Variants in ARHGAP4 observed in about 807,000 individuals in gnomAD.
The protein encoded by ARHGAP4 is rho GTPase-activating protein 4.
ARHGAP4 carries 25 observed loss-of-function variants against 67.6 expected under a neutral mutation model. The observed-to-expected ratio is 0.37, with a 90% CI of 0.27 to 0.52. The LOEUF (loss-of-function observed/expected upper bound fraction) is 0.52, where lower values mean the gene tolerates loss of function less well. Ranked by LOEUF, ARHGAP4 falls within the 20% of genes least tolerant of loss-of-function variation. The pLI is 0.92. For synonymous variants in ARHGAP4, 448 were observed against 373.7 expected (o/e 1.20, Z -2.29); for missense variants, 804 against 854.6 (o/e 0.94, Z 0.74).
rs1232941355 is a variant in ARHGAP4 at position 153,910,983 on chromosome X, G to A, written c.1620C>T (p.Gly540=). 8.7e-7 allele frequency: 1 copy of A among 1,149,542 alleles called. No homozygotes were observed. Among genetic ancestry groups the A allele is most frequent in the Admixed American group, 2.6e-5 (1 of 38,137 alleles). 94.7% of individuals were successfully genotyped at this position (1,149,542 alleles called of 1,213,427 possible). A position where few individuals can be genotyped will look rare whatever the true frequency, so the allele number is the denominator to read the frequency against. ...FINLNGLQHE[G]IFRVSGAQLR... is the part of the protein sequence containing the mutation. ...GCTGGGCACCCGATACCCGGAAGATGCCTTCATGCTGCAGGCCTGTGGGAG... is the reference window on the plus strand; with the variant it reads ...GCTGGGCACCCGATACCCGGAAGATACCTTCATGCTGCAGGCCTGTGGGAG... Residue 540 remains glycine, a synonymous_variant, in exon 14 of 22, where the codon GGC becomes GGT. Coordinates refer to ENST00000350060, the MANE Select transcript of ARHGAP4 (RefSeq NM_001666.5).
At chrX:153,912,859 A>G (rs879960208) in intron 11 of ARHGAP4, 57 bp from the exon 12 acceptor site, 1 of 1,082,589 alleles carries the variant, frequency 9.2e-7, no homozygotes, top group African/African-American at 1.9e-5. Context: ...AGGGTGCCCC[A>G]CCCCCCAGGC....
chrX:153,910,090 G>A lies in ARHGAP4; in HGVS notation c.2157-5C>T, dbSNP rs1557102574. The A allele has an allele frequency of 1.7e-6, 2 of 1,210,026 alleles. No homozygotes were observed. The highest frequency in any genetic ancestry group is 3.5e-5 in the African/African-American group (2 of 57,431). ...AGGCTCTCCAGCTGGGCGTCCCTGAGGTTCAGGGCAGAGCGAGGCAGATGA... is the reference window on the plus strand; with the variant it reads ...AGGCTCTCCAGCTGGGCGTCCCTGAAGTTCAGGGCAGAGCGAGGCAGATGA... On this transcript the variant is annotated splice_polypyrimidine_tract_variant and splice_region_variant and intron_variant, in intron 17 of 21. Transcript: ENST00000350060.
At chrX:153,915,661 A>C in intron 7 of ARHGAP4, among the ~76,000 whole-genome samples, 1 of 111,879 alleles carries the variant, frequency 8.9e-6, no homozygotes, top group Middle Eastern at 4.6e-3. Flanking sequence ...GCATGCACCT[A>C]TAGTCCCAGC....
Position 153,921,587 on chromosome X carries a change from T to C in ARHGAP4, c.272+18A>G, listed in dbSNP as rs2065095208. On this transcript the variant is annotated intron_variant, in intron 2 of 21. Transcript: ENST00000350060. ...AGCTTGGGCCCTGCCGTGGCCCCCC[T>C]GCCAGCACATCACCTACCGGAAGCT... 8.3e-7 allele frequency: 1 copy of C among 1,205,730 alleles called. No homozygotes were observed. Among genetic ancestry groups the C allele is most frequent in the Non-Finnish European group, 1.1e-6 (1 of 892,602 alleles).
chrX:153,912,825 C>G (rs1557103572), intron 11 of ARHGAP4, 23 bp from the exon 12 acceptor site: 2 of 1,175,744 alleles, frequency 1.7e-6, no homozygotes, highest in Admixed American at 4.4e-5. Flanking sequence ...GGAGCTGGCT[C>G]TGAGGGGGCC....
At chrX:153,917,084 C>T (rs1382679864) in intron 7 of ARHGAP4, among the ~76,000 whole-genome samples, 3 of 111,440 alleles carry the variant, frequency 2.7e-5, no homozygotes, top group African/African-American at 6.5e-5. Flanking sequence ...GGCGTGGTGG[C>T]GGGCACCTGT....
At position 153,912,793 on chromosome X, in the gene ARHGAP4, G is replaced by A; in HGVS notation, c.1449C>T (p.Tyr483=). The A allele has an allele frequency of 8.3e-7, 1 of 1,209,284 alleles. No individual in the cohort carries two copies. Among genetic ancestry groups the A allele is most frequent in the South Asian group, 1.8e-5 (1 of 56,758 alleles). The part of the protein sequence containing the change: ...KEEQEVSWTQ[Y]TQRKFQKSRQ... The stretch of plus-strand genomic sequence containing the variant: ...GGCTCTTCTGGAATTTTCTCTGTGT[G>A]TACTGGGTCCTGCAGTGAATGGGAG... The change falls in exon 12 of 22, where the codon TAC becomes TAT. Residue 483 remains tyrosine (Y), a synonymous_variant. Coordinates refer to ENST00000350060, the MANE Select transcript of ARHGAP4 (RefSeq NM_001666.5).
chrX:153,917,171 G>A (rs1433215315), intron 7 of ARHGAP4, among the ~76,000 whole-genome samples: 1 of 111,396 alleles, frequency 9.0e-6, no homozygotes, highest in Non-Finnish European at 1.9e-5. Flanking sequence ...AGCCGACATT[G>A]CGCCACTGCA....
At chrX:153,919,312 G>T (rs782031513) in intron 5 of ARHGAP4, 29 bp from the exon 6 acceptor site, 1 of 1,211,975 alleles carries the variant, frequency 8.3e-7, no homozygotes, top group South Asian at 1.8e-5. Context: ...GCGTGCCAGG[G>T]TCACGCACGT....
At chrX:153,908,534 G>A (rs1557101841) in intron 21 of ARHGAP4, among the ~76,000 whole-genome samples, 1 of 110,802 alleles carries the variant, frequency 9.0e-6, no homozygotes, top group African/African-American at 3.3e-5. Context: ...CCCAGGTTGT[G>A]CGCTTGCCAG....
Position 153,909,870 on chromosome X carries a change from G to A in ARHGAP4, c.2285C>T (p.Ala762Val). The A allele has an allele frequency of 8.3e-7, 1 of 1,204,847 alleles. No individual in the cohort carries two copies. The change falls in exon 19 of 22, where the codon GCC (alanine) becomes GTC (valine). Residue 762 changes from alanine to valine, a missense_variant. Physicochemically the swap from Ala to Val is moderately conservative, Grantham distance 64 (BLOSUM62 0). Coordinates refer to ENST00000350060, the MANE Select transcript of ARHGAP4 (RefSeq NM_001666.5). ...VACFAYTGRT[A>V]QELSFRRGDV... is the part of the protein sequence containing the mutation. ...CCCCCGCCGGAAGCTCAGCTCCTGG[G>A]CTGTGCGGCCCGTGTAGGCAAAGCA...
At chrX:153,923,510 G>A (rs2065108721) in intron 1 of ARHGAP4, among the ~76,000 whole-genome samples, 1 of 112,095 alleles carries the variant, frequency 8.9e-6, no homozygotes, top group African/African-American at 3.2e-5. Context: ...CTAGCCAGGT[G>A]AGGGACCCAG....
chrX:153,922,469 C>T (rs2065102439), intron 1 of ARHGAP4: 1 of 738,241 alleles, frequency 1.4e-6, no homozygotes, highest in Non-Finnish European at 1.6e-6. Context: ...ACCCCCCGCC[C>T]CACCTGTGCA....
rs1290200074 is a variant in ARHGAP4, at chrX:153,921,283, G to A, written c.435+82C>T. On this transcript the variant is annotated intron_variant, in intron 3 of 21. Transcript: ENST00000350060. ...GGTTCGCTCTGCCTGCTCCCCACCT[G>A]GCCTCCAGTGCCCTCCCAGCCACAG... is the stretch of plus-strand genomic sequence containing the variant. The A allele has an allele frequency of 9.2e-6, 11 of 1,190,214 alleles. No individual in the cohort carries two copies. In the African/African-American group the frequency reaches 1.9e-4, roughly 21 times the overall value.
intron 12 of ARHGAP4, among the ~76,000 whole-genome samples, chrX:153,911,916 T>TAA (rs1209252413): frequency 2.4e-5 from 1 of 42,515 alleles, no homozygotes; most frequent in African/African-American, 1.4e-4. Flanking sequence ...TCTCAACAAA[T>TAA]AAAAAAAAAA....
Position 153,918,822 on chromosome X carries a change from T to C in ARHGAP4, c.1032+10A>G. On this transcript the variant is annotated intron_variant, in intron 7 of 21. Transcript: ENST00000350060. Reference sequence around the variant, plus strand: ...AGAGAATGCCAAGCCCAGCAGGGGGTGACCCTCACCTCATCCCCATCATGG... The same window carrying C: ...AGAGAATGCCAAGCCCAGCAGGGGGCGACCCTCACCTCATCCCCATCATGG... The C allele has an allele frequency of 8.3e-7, 1 of 1,208,634 alleles. No individual in the cohort carries two copies. The highest frequency in any genetic ancestry group is 1.1e-6 in the Non-Finnish European group (1 of 892,959).
intron 17 of ARHGAP4, 42 bp from the exon 18 acceptor site, chrX:153,910,127 C>T (rs1557102593): frequency 1.7e-6 from 2 of 1,209,635 alleles, no homozygotes; most frequent in Non-Finnish European, 2.2e-6. Flanking sequence ...GGGGGCTCTT[C>T]TCCAGTGGAC....
rs781871982 is a variant in ARHGAP4, at chrX:153,913,046, T to C, written c.1417A>G (p.Lys473Glu). 14 of 1,190,556 alleles carry C rather than the reference T, an allele frequency of 1.2e-5. No homozygotes were observed. The highest frequency in any genetic ancestry group is 3.0e-5 in the East Asian group (1 of 33,022). Residue 473 changes from lysine (K) to glutamate (E), a missense_variant, in exon 11 of 22, where the codon AAG becomes GAG. Coordinates refer to ENST00000350060, the MANE Select transcript of ARHGAP4 (RefSeq NM_001666.5). ...CACCAAGACACCTCCTGCTCCTCCT[T>C]GTCACCTGTGGGGTGGGAGAACATT... is the stretch of plus-strand genomic sequence containing the variant. ...KLQEALQRGD[K>E]EEQEVSWTQY... is the part of the protein sequence containing the mutation.
intron 7 of ARHGAP4, among the ~76,000 whole-genome samples, chrX:153,918,434 A>G (rs893930468): frequency 3.5e-5 from 4 of 112,682 alleles, no homozygotes; most frequent in Middle Eastern, 4.6e-3. Flanking sequence ...AAGGGGCCCA[A>G]TGTAATCCCA....
Sources: gnomAD v4.1 joint callset for allele counts (sites outside exome capture counted in the v4.1 genomes callset) on GRCh38, gnomAD v4.1.1 for gene constraint, MANE v1.5 for transcripts, NCBI Gene and HGNC (gene_info 2026-07-23, HGNC 2026-07-21) for gene names.